PCDHGB7: variants seen among roughly 807,000 people sequenced by gnomAD.
The protein encoded by PCDHGB7 is protocadherin gamma subfamily B, 7.
PCDHGB7 carries 37 observed loss-of-function variants against 61.4 expected under a neutral mutation model. The observed-to-expected ratio is 0.60, with a 90% CI of 0.46 to 0.79. PCDHGB7 has a LOEUF of 0.79. Among genes scored for constraint, PCDHGB7 ranks in the 30% least tolerant of loss-of-function variants. PCDHGB7 has a pLI of 0.00. For missense variants in PCDHGB7, 1,166 were observed against 1,202.5 expected, an observed-to-expected ratio of 0.97 and a Z score of 0.45; for synonymous variants, 464 against 503.5, an observed-to-expected ratio of 0.92 and a Z score of 1.05.
rs951185891 is a variant in PCDHGB7, at chr5:141,494,814, C to T, written c.2423C>T (p.Pro808Leu). 7 of 1,614,152 alleles carry T rather than the reference C, an allele frequency of 4.3e-6. No individual in the cohort carries two copies. The highest frequency in any genetic ancestry group is 1.7e-5 in the Admixed American group (1 of 60,024). Residue 808 changes from proline to leucine, a missense_variant, in exon 2 of 4, where the codon CCG becomes CTG. By Grantham distance (98) the Pro-to-Leu change is moderately conservative (BLOSUM62 -3). Transcript: ENST00000398594. The part of the protein sequence containing the change: ...ADKKILKQQA[P>L]PNTDWRFSQA... ...CCTCTGTTTTCTCCACAGCAAGCCCCGCCCAACACGGACTGGCGTTTCTCT... is the reference window on the plus strand; with the variant it reads ...CCTCTGTTTTCTCCACAGCAAGCCCTGCCCAACACGGACTGGCGTTTCTCT...
intron 1 of PCDHGB7, among the ~76,000 whole-genome samples, chr5:141,472,862 T>C (rs770564770): frequency 1.3e-5 from 2 of 150,322 alleles, no homozygotes; most frequent in South Asian, 4.2e-4. Flanking sequence ...GGCACATGCC[T>C]GTATTCCCAG....
At chr5:141,429,396 T>A (rs2097212352) in intron 1 of PCDHGB7, among the ~76,000 whole-genome samples, 1 of 151,520 alleles carries the variant, frequency 6.6e-6, no homozygotes, top group African/African-American at 2.4e-5. Context: ...TTAAAAAAAA[T>A]TGAGATTAAG....
chr5:141,426,719 A>G (rs776136674), intron 1 of PCDHGB7: 2 of 446,424 alleles, frequency 4.5e-6, no homozygotes, highest in Non-Finnish European at 9.1e-6. Context: ...ATGAACTAGC[A>G]ATTCCAGGCA....
intron 1 of PCDHGB7, chr5:141,423,297 C>T: frequency 1.9e-6 from 3 of 1,614,170 alleles, no homozygotes; most frequent in South Asian, 1.1e-5. Flanking sequence ...CCTCAGACCT[C>T]TCGCTGTACT....
intron 1 of PCDHGB7, among the ~76,000 whole-genome samples, chr5:141,452,165 C>G (rs917431071): frequency 2.6e-5 from 4 of 152,120 alleles, no homozygotes; most frequent in African/African-American, 9.7e-5. Flanking sequence ...TATTCTATTA[C>G]TAACATTTTT....
At position 141,432,180 on chromosome 5, in the gene PCDHGB7, T is replaced by G. The variant is rs943491593; in HGVS notation, c.2415+11906T>G. 2 of 1,614,044 alleles carry G rather than the reference T, an allele frequency of 1.2e-6. No homozygotes were observed. The highest frequency in any genetic ancestry group is 1.7e-6 in the Non-Finnish European group (2 of 1,180,036). ...CCCAGAGGAGTTTCCCTCGTCTCTG[T>G]GACCGCCCACGACCCCGACTGTGAA... On this transcript the variant is annotated intron_variant, in intron 1 of 3. Coordinates refer to ENST00000398594, the MANE Select transcript of PCDHGB7 (RefSeq NM_018927.4). This position sits in a 1 kb window ranked among gnomAD's most constrained non-coding sequence, Gnocchi z 6.0.
In PCDHGB7 at chr5:141,489,744, C is replaced by T. The variant is rs185263705; in HGVS notation, c.2416-5063C>T. The T allele has an allele frequency of 1.1e-5, 18 of 1,614,144 alleles. No homozygotes were observed. In the Admixed American group the frequency reaches 2.8e-4, roughly 25 times the overall value. Reference sequence around the variant, plus strand: ...CGGATGTGGGCACCAATACTGTGAGCTTTTACACTCTAAGCCCCAACAGCC... The same window carrying T: ...CGGATGTGGGCACCAATACTGTGAGTTTTTACACTCTAAGCCCCAACAGCC... On this transcript the variant is annotated intron_variant, in intron 1 of 3. Transcript: ENST00000398594. This position sits in a 1 kb window ranked among gnomAD's most constrained non-coding sequence, Gnocchi z 4.5.
chr5:141,463,990 G>C (rs2099073582), intron 1 of PCDHGB7, among the ~76,000 whole-genome samples: 1 of 151,990 alleles, frequency 6.6e-6, no homozygotes, highest in Admixed American at 6.6e-5. Context: ...TAAAAACCAG[G>C]TGCAGTGGCT....
chr5:141,505,570 C>A, intron 3 of PCDHGB7, 89 bp downstream of exon 3: 1 of 1,598,160 alleles, frequency 6.3e-7, no homozygotes, highest in South Asian at 1.1e-5. Context: ...GACTGGATGT[C>A]AAACCTGTGT....
At chr5:141,438,063 A>G (rs540817874) in intron 1 of PCDHGB7, among the ~76,000 whole-genome samples, 11 of 152,224 alleles carry the variant, frequency 7.2e-5, no homozygotes, top group Non-Finnish European at 1.5e-4. Context: ...CTTTTAAGAA[A>G]CCATACTTAA....
Position 141,492,023 on chromosome 5 carries a change from C to G in PCDHGB7, c.2416-2784C>G, listed in dbSNP as rs536734764. 1.8e-4 allele frequency: 102 copies of G among 564,804 alleles called. 3 individuals carry two copies. In the South Asian group the frequency reaches 2.8e-3, roughly 15 times the overall value. The allele number at this position is 564,804 out of a possible 1,614,324, so 35.0% of individuals were successfully genotyped here. A position where few individuals can be genotyped will look rare whatever the true frequency, so the allele number is the denominator to read the frequency against. On this transcript the variant is annotated intron_variant, in intron 1 of 3. Coordinates refer to ENST00000398594, the MANE Select transcript of PCDHGB7 (RefSeq NM_018927.4). Reference sequence around the variant, plus strand: ...CGATTTCCGCGGGTGTCGGGGGTCCCGGGAGGAGGCAGTCACAGATCCACC... The same window carrying G: ...CGATTTCCGCGGGTGTCGGGGGTCCGGGGAGGAGGCAGTCACAGATCCACC...
intron 2 of PCDHGB7, among the ~76,000 whole-genome samples, chr5:141,502,002 C>T (rs1434269040): frequency 1.3e-5 from 2 of 152,164 alleles, no homozygotes; most frequent in South Asian, 2.1e-4. Context: ...CCTGACAACC[C>T]GCATGCTCTC....
chr5:141,507,251 A>G (rs958917337), intron 3 of PCDHGB7: 3 of 152,400 alleles, frequency 2.0e-5, no homozygotes, highest in Non-Finnish European at 4.4e-5. Context: ...TGAATGTCAG[A>G]TAAACAGCAA....
intron 1 of PCDHGB7, chr5:141,426,946 C>A (rs565370434): frequency 2.2e-6 from 1 of 456,786 alleles, no homozygotes; most frequent in South Asian, 1.5e-5. Flanking sequence ...CCAGTCCCAA[C>A]TGGCACTGCT....
At chr5:141,468,960 T>TC (rs1562019766) in intron 1 of PCDHGB7, among the ~76,000 whole-genome samples, 1 of 151,348 alleles carries the variant, frequency 6.6e-6, no homozygotes, top group African/African-American at 2.4e-5. Flanking sequence ...TGGTTTTTTT[T>TC]ACCTTAGGCT....
rs751320023 is a variant in PCDHGB7 at position 141,431,263 on chromosome 5, G to T, written c.2415+10989G>T. 6 of 1,614,060 alleles carry T rather than the reference G, an allele frequency of 3.7e-6. No homozygotes were observed. In the East Asian group the frequency reaches 1.3e-4, roughly 36 times the overall value. ...CGGATATCGGGAAGAACTCTCTGCA[G>T]AGCTACGAGCTCAGCCCGAACACTC... On this transcript the variant is annotated intron_variant, in intron 1 of 3. Transcript: ENST00000398594. The surrounding 1 kb of genome is among the most constrained non-coding windows in gnomAD (Gnocchi z 4.8).
chr5:141,489,894 G>A lies in PCDHGB7; in HGVS notation c.2416-4913G>A, dbSNP rs942456058. 33 of 1,614,204 alleles carry A rather than the reference G, an allele frequency of 2.0e-5. No individual in the cohort carries two copies. The highest frequency in any genetic ancestry group is 2.4e-5 in the Non-Finnish European group (28 of 1,180,028). Reference sequence around the variant, plus strand: ...TGGTGCTTACTGCTGTGGATGGGGGGACCCCAGCCCGCTCAGGGACCACCC... The same window carrying A: ...TGGTGCTTACTGCTGTGGATGGGGGAACCCCAGCCCGCTCAGGGACCACCC... On this transcript the variant is annotated intron_variant, in intron 1 of 3. Coordinates refer to ENST00000398594, the MANE Select transcript of PCDHGB7 (RefSeq NM_018927.4). This position sits in a 1 kb window ranked among gnomAD's most constrained non-coding sequence, Gnocchi z 4.5.
At position 141,477,118 on chromosome 5, in the gene PCDHGB7, A is replaced by T. The variant is rs2099405787; in HGVS notation, c.2416-17689A>T. The T allele has an allele frequency of 6.2e-7, 1 of 1,614,228 alleles. No homozygotes were observed. Among genetic ancestry groups the T allele is most frequent in the Non-Finnish European group, 8.5e-7 (1 of 1,180,034 alleles). On this transcript the variant is annotated intron_variant, in intron 1 of 3. Coordinates refer to ENST00000398594, the MANE Select transcript of PCDHGB7 (RefSeq NM_018927.4). This position sits in a 1 kb window ranked among gnomAD's most constrained non-coding sequence, Gnocchi z 4.9. ...ACAAGGGCGCCAATCCCGAAGGAGC[A>T]CATTGCAAAGTGTTGGTGGAGGTTG...
intron 1 of PCDHGB7, among the ~76,000 whole-genome samples, chr5:141,433,559 G>A (rs2154555800): frequency 6.6e-6 from 1 of 152,212 alleles, no homozygotes; most frequent in Non-Finnish European, 1.5e-5. Context: ...TTTCTGGCTG[G>A]GCGCGGTGGC....
Sources: allele counts gnomAD v4.1 joint callset (sites outside exome capture counted in the v4.1 genomes callset), GRCh38; gene constraint gnomAD v4.1.1; non-coding constraint Gnocchi (gnomAD v3.1); transcripts MANE v1.5; gene names NCBI Gene and HGNC (gene_info 2026-07-23, HGNC 2026-07-21).